The following MYOZ2 variants were observed in gnomAD, a reference collection of about 807,000 sequenced individuals.
MYOZ2 encodes the protein myozenin-2.
MYOZ2 carries 19 observed loss-of-function variants against 25.4 expected under a neutral mutation model. That is an observed-to-expected ratio of 0.75 (90% CI 0.52 to 1.10). The LOEUF (loss-of-function observed/expected upper bound fraction) is 1.10, where lower values mean the gene tolerates loss of function less well. Ranked by LOEUF, MYOZ2 falls within the 50% of genes least tolerant of loss-of-function variation. The probability of loss-of-function intolerance (pLI) is 0.00; values close to 1 mark genes in which losing one functional copy is unlikely to be tolerated. For synonymous variants in MYOZ2, 92 were observed against 106.9 expected (o/e 0.86, Z 0.86); for missense variants, 270 against 317.9 (o/e 0.85, Z 1.15).
intron 5 of MYOZ2, among the ~76,000 whole-genome samples, chr4:119,178,449 T>C (rs1054223570): frequency 1.3e-5 from 2 of 152,144 alleles, no homozygotes; most frequent in African/African-American, 4.8e-5. Flanking sequence ...TGAAACTTGA[T>C]CTCTAGCTCC....
chr4:119,136,535 CATA>C lies in MYOZ2; in HGVS notation c.14_16del (p.Asn5del), dbSNP rs757778260. ...AGGGAACAAAAAAACCATGCTATCA[CATA>C]ATACTATGATGAAGCAGAGAAAACA... On this transcript the variant is annotated inframe_deletion, in exon 2 of 6. Transcript: ENST00000307128. 1 of 1,613,490 alleles carries C rather than the reference CATA, an allele frequency of 6.2e-7. No individual in the cohort carries two copies. The highest frequency in any genetic ancestry group is 8.5e-7 in the Non-Finnish European group (1 of 1,179,556).
At chr4:119,151,248 G>C (rs1741444754) in intron 3 of MYOZ2, among the ~76,000 whole-genome samples, 1 of 152,058 alleles carries the variant, frequency 6.6e-6, no homozygotes. Context: ...GTTCAATAGG[G>C]ACATTGTAAG....
intron 2 of MYOZ2, 84 bp from the exon 3 acceptor site, chr4:119,150,788 G>A: frequency 1.5e-6 from 2 of 1,356,866 alleles, no homozygotes; most frequent in Admixed American, 3.6e-5. Flanking sequence ...TTAGAAAGTG[G>A]TGGAATTTTA....
intron 5 of MYOZ2, among the ~76,000 whole-genome samples, chr4:119,176,094 G>A (rs1242242323): frequency 3.3e-5 from 5 of 152,106 alleles, no homozygotes; most frequent in South Asian, 2.1e-4. Context: ...ATGTTTCACC[G>A]TCTTTGAGTT....
chr4:119,159,944 G>A (rs1741668180), intron 4 of MYOZ2, among the ~76,000 whole-genome samples: 1 of 152,138 alleles, frequency 6.6e-6, no homozygotes. Context: ...TTCAACAAAA[G>A]TTATGGCAGA....
chr4:119,143,740 G>A (rs963484121), intron 2 of MYOZ2, among the ~76,000 whole-genome samples: 6 of 152,086 alleles, frequency 3.9e-5, no homozygotes, highest in African/African-American at 1.2e-4. Flanking sequence ...GGCAACTACT[G>A]ATCTTTATGC....
intron 3 of MYOZ2, among the ~76,000 whole-genome samples, chr4:119,151,872 T>A (rs912496190): frequency 6.6e-6 from 1 of 152,152 alleles, no homozygotes; most frequent in African/African-American, 2.4e-5. Context: ...GATTTAAGCC[T>A]GAAAACTTAC....
At chr4:119,176,292 C>A (rs1742070491) in intron 5 of MYOZ2, among the ~76,000 whole-genome samples, 1 of 150,126 alleles carries the variant, frequency 6.7e-6, no homozygotes, top group African/African-American at 2.5e-5. Context: ...GTGATCTCGG[C>A]TCACTGCAAC....
At chr4:119,173,253 G>T (rs368334569) in intron 5 of MYOZ2, among the ~76,000 whole-genome samples, 1 of 152,184 alleles carries the variant, frequency 6.6e-6, no homozygotes. Flanking sequence ...CTACGTAGAG[G>T]ATGAAATAGA....
intron 4 of MYOZ2, 145 bp from the exon 5 acceptor site, chr4:119,164,066 A>G: frequency 1.4e-6 from 1 of 737,494 alleles, no homozygotes; most frequent in South Asian, 1.6e-5. Flanking sequence ...ACACTTGCAG[A>G]CTGCTGTTTT....
At chr4:119,170,682 A>G (rs1290943827) in intron 5 of MYOZ2, among the ~76,000 whole-genome samples, 2 of 152,222 alleles carry the variant, frequency 1.3e-5, no homozygotes, top group African/African-American at 4.8e-5. Flanking sequence ...AGCAGAAGAC[A>G]TACTTGGAGC....
intron 4 of MYOZ2, among the ~76,000 whole-genome samples, chr4:119,160,745 T>G (rs1741690612): frequency 6.6e-6 from 1 of 152,090 alleles, no homozygotes; most frequent in Non-Finnish European, 1.5e-5. Flanking sequence ...CCAACGCAAC[T>G]GTTATAGCCC....
chr4:119,151,159 G>C, intron 3 of MYOZ2, 118 bp downstream of exon 3: 1 of 1,086,280 alleles, frequency 9.2e-7, no homozygotes, highest in South Asian at 1.4e-5. Flanking sequence ...ATTCTGTTAG[G>C]CTATTTTTTT....
intron 5 of MYOZ2, among the ~76,000 whole-genome samples, chr4:119,182,013 T>G (rs1195474196): frequency 1.3e-5 from 2 of 152,176 alleles, no homozygotes; most frequent in Non-Finnish European, 2.9e-5. Context: ...AATTTCAAAT[T>G]TTAGGCTTCT....
At chr4:119,164,482 A>G in intron 5 of MYOZ2, 88 bp downstream of exon 5, 10 of 1,353,242 alleles carry the variant, frequency 7.4e-6, no homozygotes, top group Non-Finnish European at 1.0e-5. Flanking sequence ...CCTGGTAGAA[A>G]GCAATTTTTT....
At chr4:119,140,370 T>C (rs138818291) in intron 2 of MYOZ2, among the ~76,000 whole-genome samples, 3 of 152,318 alleles carry the variant, frequency 2.0e-5, no homozygotes, top group Non-Finnish European at 2.9e-5. Context: ...AGGCCTTTCA[T>C]ACCTCCTATC....
At chr4:119,181,656 A>G (rs1015794087) in intron 5 of MYOZ2, among the ~76,000 whole-genome samples, 5 of 152,232 alleles carry the variant, frequency 3.3e-5, no homozygotes, top group African/African-American at 1.2e-4. Flanking sequence ...GAGGCATATC[A>G]ACTTACTACA....
chr4:119,157,886 A>G, intron 3 of MYOZ2, 136 bp from the exon 4 acceptor site: 1 of 1,038,310 alleles, frequency 9.6e-7, no homozygotes, highest in Admixed American at 2.2e-5. Flanking sequence ...GAAAAAAATT[A>G]TTGAGGTCCC....
At chr4:119,170,131 C>G (rs1249166937) in intron 5 of MYOZ2, among the ~76,000 whole-genome samples, 1 of 152,134 alleles carries the variant, frequency 6.6e-6, no homozygotes, top group Non-Finnish European at 1.5e-5. Flanking sequence ...AACTCTCCAT[C>G]TGGTAAAACT....
Sources: allele counts gnomAD v4.1 joint callset (sites outside exome capture counted in the v4.1 genomes callset), GRCh38; gene constraint gnomAD v4.1.1; transcripts MANE v1.5; gene names NCBI Gene and HGNC (gene_info 2026-07-23, HGNC 2026-07-21).